RGL3: variants seen among roughly 807,000 people sequenced by gnomAD.
The protein encoded by RGL3 is ral guanine nucleotide dissociation stimulator-like 3.
Under a neutral mutation model 90.6 loss-of-function variants are expected in RGL3, and 85 were observed. The ratio of observed to expected loss-of-function variants is 0.94; its 90% CI spans 0.79 to 1.12. The LOEUF (loss-of-function observed/expected upper bound fraction) is 1.12. RGL3 is among the 50% of genes most tolerant of loss of function. The pLI is 0.00. For synonymous variants in RGL3, 408 were observed against 385.5 expected, an observed-to-expected ratio of 1.06 and a Z score of -0.68; for missense variants, 1,034 against 939.2, an observed-to-expected ratio of 1.10 and a Z score of -1.32.
In RGL3 at chr19:11,416,354, C is replaced by T. The variant is rs1029615517; in HGVS notation, c.426-206G>A. 2.6e-5 allele frequency: 16 copies of T among 617,884 alleles called. No individual in the cohort carries two copies. The African/African-American group carries it at 3.0e-4, about 11-fold the overall frequency. The allele number at this position is 617,884 out of a possible 1,614,324, so 38.3% of individuals were successfully genotyped here. Reference sequence around the variant, plus strand: ...GGCATGCGCCACCACACCCAGCTACCTTTTTTTGTTGTTGTTGTATTTTTA... The same window carrying T: ...GGCATGCGCCACCACACCCAGCTACTTTTTTTTGTTGTTGTTGTATTTTTA... On this transcript the variant is annotated intron_variant, in intron 4 of 18. Coordinates refer to ENST00000380456, the MANE Select transcript of RGL3 (RefSeq NM_001035223.4).
Position 11,394,174 on chromosome 19 carries a change from CA to C in RGL3, c.*227del, listed in dbSNP as rs1444276902. ...CGTATCCATGCCCCACCTCTTTCTACATTTATGGGATTGAGCTCTCCACCAG... is the reference window on the plus strand; with the variant it reads ...CGTATCCATGCCCCACCTCTTTCTACTTTATGGGATTGAGCTCTCCACCAG... On this transcript the variant is annotated 3_prime_UTR_variant, in exon 19 of 19. Transcript: ENST00000380456. 2.0e-6 allele frequency: 1 copy of C among 495,744 alleles called. No homozygotes were observed. Among genetic ancestry groups the C allele is most frequent in the Non-Finnish European group, 3.7e-6 (1 of 271,560 alleles). The allele number at this position is 495,744 out of a possible 1,614,324, so 30.7% of individuals were successfully genotyped here. A position where few individuals can be genotyped will look rare whatever the true frequency, so the allele number is the denominator to read the frequency against.
chr19:11,400,312 T>C lies in RGL3; in HGVS notation c.1485-15A>G. 1 of 1,560,106 alleles carries C rather than the reference T, an allele frequency of 6.4e-7. No individual in the cohort carries two copies. Among genetic ancestry groups the C allele is most frequent in the Non-Finnish European group, 8.7e-7 (1 of 1,152,210 alleles). ...AGAGCCGGTAGCTGAGGGGTCAATATGTGGATGAGGTGGTGGGGGCAGGAA... is the reference window on the plus strand; with the variant it reads ...AGAGCCGGTAGCTGAGGGGTCAATACGTGGATGAGGTGGTGGGGGCAGGAA... On this transcript the variant is annotated splice_polypyrimidine_tract_variant and intron_variant, in intron 13 of 18. Transcript: ENST00000380456.
At chr19:11,410,563 TC>T (rs1968857636) in intron 5 of RGL3, among the ~76,000 whole-genome samples, 1 of 151,824 alleles carries the variant, frequency 6.6e-6, no homozygotes, top group South Asian at 2.1e-4. Context: ...ACACCTGCTG[TC>T]CCACCTACTC....
Position 11,414,181 on chromosome 19 carries a change from C to CTT in RGL3, c.637+1755_637+1756insAA, listed in dbSNP as rs1336844171. ...TATATATATATATATATATATACAC[C>CTT]TATATATATATACCTTTATATATAT... On this transcript the variant is annotated intron_variant, in intron 5 of 18. Transcript: ENST00000380456. 7.5e-3 allele frequency among the ~76,000 whole-genome samples: 212 copies of CTT among 28,172 alleles called. 14 individuals are homozygous for CTT. The highest frequency in any genetic ancestry group is 0.019 in the East Asian group (18 of 938). 18.5% of individuals were successfully genotyped at this position (28,172 alleles called of 152,430 possible).
chr19:11,396,684 A>G (rs1430121472), intron 18 of RGL3, among the ~76,000 whole-genome samples: 1 of 133,964 alleles, frequency 7.5e-6, no homozygotes, highest in East Asian at 2.2e-4. Flanking sequence ...TTTTTTTTTT[A>G]AACAGAGTCT....
At chr19:11,413,556 AGGG>A (rs1348657527) in intron 5 of RGL3, among the ~76,000 whole-genome samples, 29 of 143,262 alleles carry the variant, frequency 2.0e-4, no homozygotes, top group African/African-American at 7.3e-4. Context: ...AAAAAAAAAA[AGGG>A]CAGGGTCAGG....
At chr19:11,397,842 C>T (rs1599429327) in intron 16 of RGL3, 1 of 302,516 alleles carries the variant, frequency 3.3e-6, no homozygotes, top group East Asian at 6.0e-5. Flanking sequence ...AACTCCGTCT[C>T]TACTAAAAAT....
At chr19:11,401,907 A>AG in intron 13 of RGL3, 104 bp downstream of exon 13, 1 of 1,409,154 alleles carries the variant, frequency 7.1e-7, no homozygotes, top group Non-Finnish European at 9.4e-7. Flanking sequence ...AGGGCTCAAG[A>AG]GGGGGTCTTG....
intron 5 of RGL3, 156 bp from the exon 6 acceptor site, chr19:11,407,020 C>T (rs1968796797): frequency 1.5e-6 from 1 of 681,444 alleles, no homozygotes; most frequent in Admixed American, 3.2e-5. Flanking sequence ...CAGTCTTACT[C>T]TGTTGCCCAA....
At chr19:11,416,691 T>A (rs777413631) in intron 3 of RGL3, 24 bp from the exon 4 acceptor site, 1 of 1,612,046 alleles carries the variant, frequency 6.2e-7, no homozygotes, top group South Asian at 1.1e-5. Flanking sequence ...CCCCAGCAGG[T>A]GAAGAAGGGG....
intron 18 of RGL3, among the ~76,000 whole-genome samples, chr19:11,396,156 A>ATTT (rs1568334127): frequency 1.4e-4 from 7 of 51,332 alleles, no homozygotes; most frequent in Admixed American, 2.6e-4. Flanking sequence ...ATATATATAT[A>ATTT]TATTTTTTTT....
chr19:11,406,549 G>A lies in RGL3; in HGVS notation c.866C>T (p.Pro289Leu). The part of the protein sequence containing the change: ...RDRPGAAGAS[P>L]TVRATVAQFN... ...CTGGGCCACGGTGGCGCGCACAGTG[G>A]GGGAGGCGCCTGCAGCCCCCGGCCG... Residue 289 changes from proline (P) to leucine (L), a missense_variant, in exon 7 of 19, where the codon CCC becomes CTC. By Grantham distance (98) the Pro-to-Leu change is moderately conservative. Transcript: ENST00000380456. 1.3e-6 allele frequency: 2 copies of A among 1,550,132 alleles called. No homozygotes were observed. The highest frequency in any genetic ancestry group is 8.7e-7 in the Non-Finnish European group (1 of 1,147,790).
In RGL3 at chr19:11,416,927, G is replaced by T; in HGVS notation, c.280C>A (p.Pro94Thr). 2.5e-6 allele frequency: 4 copies of T among 1,614,114 alleles called. No individual in the cohort carries two copies. The highest frequency in any genetic ancestry group is 3.4e-6 in the Non-Finnish European group (4 of 1,180,028). ...GTCCGGTAGGTGGCCAGGAAGGCGG[G>T]CATGAAGCTGGGGTCCTGCTCACGG... ...GDREQDPSFM[P>T]AFLATYRTFV... Residue 94 changes from proline to threonine, a missense_variant, in exon 3 of 19, where the codon CCC becomes ACC. Physicochemically the swap from Pro to Thr is conservative, Grantham distance 38. Transcript: ENST00000380456.
intron 14 of RGL3, 35 bp downstream of exon 14, chr19:11,400,167 C>T (rs1201458202): frequency 2.5e-6 from 4 of 1,570,034 alleles, no homozygotes; most frequent in East Asian, 4.6e-5. Context: ...GATATCTGCC[C>T]ACATCACCGC....
chr19:11,404,928 T>C (rs968460865), intron 9 of RGL3, among the ~76,000 whole-genome samples: 1 of 152,192 alleles, frequency 6.6e-6, no homozygotes, highest in Non-Finnish European at 1.5e-5. Context: ...TGTGTTTTGC[T>C]GAGTGAATAA....
chr19:11,397,825 G>A (rs990359686), intron 16 of RGL3: 7 of 349,026 alleles, frequency 2.0e-5, no homozygotes, highest in South Asian at 1.5e-4. Context: ...CCTGGCCAAC[G>A]TGGTGAAACT....
chr19:11,401,484 C>G (rs1968674333), intron 13 of RGL3, among the ~76,000 whole-genome samples: 1 of 151,698 alleles, frequency 6.6e-6, no homozygotes. Context: ...CAAGCTCTGC[C>G]TCCCGGGTTC....
In RGL3 at chr19:11,396,100, ATCTCTCTCTC is replaced by A. The variant is rs66711304; in HGVS notation, c.2014+1134_2014+1143del. On this transcript the variant is annotated intron_variant, in intron 18 of 18. Transcript: ENST00000380456. ...AGGCACATGCCACCATGCTCAGCTA[ATCTCTCTCTC>A]TCTCTCTCTCTCTCTCTCTCTCTCT... Among the ~76,000 whole-genome samples, 210 of 33,896 alleles carry A rather than the reference ATCTCTCTCTC, an allele frequency of 6.2e-3. 4 individuals carry two copies. The highest frequency in any genetic ancestry group is 0.071 in the Middle Eastern group (2 of 28). The allele number at this position is 33,896 out of a possible 152,430, so 22.2% of individuals were successfully genotyped here.
chr19:11,414,176 T>TATATATATATATATATATATAC (rs1491114343), intron 5 of RGL3, among the ~76,000 whole-genome samples: 4 of 75,020 alleles, frequency 5.3e-5, no homozygotes, highest in Non-Finnish European at 1.0e-4. Flanking sequence ...TATATATATA[T>TATATATATATATATATATATAC]ACACCTATAT....
Sources: allele counts gnomAD v4.1 joint callset (sites outside exome capture counted in the v4.1 genomes callset), GRCh38; gene constraint gnomAD v4.1.1; transcripts MANE v1.5; gene names NCBI Gene and HGNC (gene_info 2026-07-23, HGNC 2026-07-21).